Variants in INO80 observed in about 807,000 individuals in gnomAD.
INO80 encodes chromatin-remodeling ATPase INO80.
INO80 carries 20 observed loss-of-function variants against 203.4 expected under a neutral mutation model. The observed-to-expected ratio is 0.10, with a 90% CI of 0.07 to 0.14. The LOEUF is 0.14. Among genes scored for constraint, INO80 ranks in the 10% least tolerant of loss-of-function variants. INO80 has a pLI of 1.00. For synonymous variants in INO80, 726 were observed against 685.2 expected (o/e 1.06, Z -0.93); for missense variants, 1,419 against 1,914.4 (o/e 0.74, Z 4.83).
chr15:41,058,576 TG>T, intron 16 of INO80, 62 bp downstream of exon 16: 2 of 963,988 alleles, frequency 2.1e-6, no homozygotes, highest in Non-Finnish European at 3.0e-6. Flanking sequence ...TGTGCGTGTG[TG>T]TGTGTGTGTG....
At chr15:41,049,584 C>A (rs1242031174) in intron 20 of INO80, among the ~76,000 whole-genome samples, 164 bp from the exon 21 acceptor site, 1 of 152,136 alleles carries the variant, frequency 6.6e-6, no homozygotes, top group East Asian at 1.9e-4. Context: ...GACTGTTTTT[C>A]TTGAAAAAGG....
In INO80 at chr15:41,021,130, A is replaced by G; in HGVS notation, c.3049-5T>C. On this transcript the variant is annotated splice_region_variant and splice_polypyrimidine_tract_variant and intron_variant, in intron 25 of 35. Transcript: ENST00000648947. ...ATCCAATGGCACTGCGGTAACCTGC[A>G]GTTAAAGATTCACATGAGATGGCTC... The G allele has an allele frequency of 6.2e-7, 1 of 1,605,826 alleles. No homozygotes were observed. Among genetic ancestry groups the G allele is most frequent in the Non-Finnish European group, 8.5e-7 (1 of 1,172,458 alleles).
intron 28 of INO80, among the ~76,000 whole-genome samples, chr15:41,002,468 G>A (rs2043971392): frequency 6.6e-6 from 1 of 152,214 alleles, no homozygotes; most frequent in African/African-American, 2.4e-5. Flanking sequence ...AAAATATACT[G>A]AGCCCTGGGT....
rs145416597 is a variant in INO80, at chr15:40,982,395, T to C, written c.4453+467A>G. On this transcript the variant is annotated intron_variant, in intron 35 of 35. Transcript: ENST00000648947. Reference sequence around the variant, plus strand: ...AACTCCTGGCCTCAAGTGATCTGCCTGCCTCAGTCTCCCAAAGTGTTGGGA... The same window carrying C: ...AACTCCTGGCCTCAAGTGATCTGCCCGCCTCAGTCTCCCAAAGTGTTGGGA... Among the ~76,000 whole-genome samples the C allele has an allele frequency of 5.6e-4, 85 of 152,304 alleles. 1 individual carries two copies. In the East Asian group the frequency reaches 0.016, roughly 29 times the overall value.
At chr15:40,990,426 T>A (rs1259609123) in intron 29 of INO80, among the ~76,000 whole-genome samples, 1 of 152,170 alleles carries the variant, frequency 6.6e-6, no homozygotes, top group Non-Finnish European at 1.5e-5. Flanking sequence ...AGTGGCATGA[T>A]CTTGGCTCAC....
intron 25 of INO80, among the ~76,000 whole-genome samples, chr15:41,022,474 A>G (rs1332083734): frequency 6.6e-6 from 1 of 152,190 alleles, no homozygotes; most frequent in Non-Finnish European, 1.5e-5. Flanking sequence ...GGAGGGGCCA[A>G]TAGACCTATG....
At chr15:41,098,149 C>G (rs1275523327) in intron 1 of INO80, among the ~76,000 whole-genome samples, 3 of 152,146 alleles carry the variant, frequency 2.0e-5, no homozygotes, top group African/African-American at 7.2e-5. Context: ...CACGCCCGGC[C>G]AACTAAGTGA....
At chr15:41,026,349 T>TG (rs1334019672) in intron 25 of INO80, among the ~76,000 whole-genome samples, 3 of 151,922 alleles carry the variant, frequency 2.0e-5, no homozygotes, top group Non-Finnish European at 4.4e-5. Flanking sequence ...ACTCAGGAGT[T>TG]GGAGAATAGC....
chr15:41,025,878 G>A (rs1203080611), intron 25 of INO80, among the ~76,000 whole-genome samples: 1 of 152,200 alleles, frequency 6.6e-6, no homozygotes. Flanking sequence ...ACACAACCAT[G>A]AAAGACTGAA....
chr15:41,110,992 G>A (rs567588796), intron 1 of INO80, among the ~76,000 whole-genome samples: 1 of 152,256 alleles, frequency 6.6e-6, no homozygotes, highest in South Asian at 2.1e-4. Flanking sequence ...GCCTCTTAAA[G>A]GCAAGGGCTG....
At position 40,987,141 on chromosome 15, in the gene INO80, G is replaced by T. The variant is rs1217155102; in HGVS notation, c.3782C>A (p.Pro1261His). Reference protein sequence around the residue: ...GGNFKPDTLKPKEVVSLLLDD... With the variant: ...GGNFKPDTLKHKEVVSLLLDD... ...TAGAAGAAGACTAACCACCTCTTTG[G>T]GTTTCAAGGTATCTGGTTTGAAGTT... The change falls in exon 31 of 36, where the codon CCC becomes CAC. Residue 1261 changes from proline to histidine, a missense_variant. Pro to His is a moderately conservative substitution (Grantham distance 77, BLOSUM62 -2). Around this residue, in one of 9 missense-constraint regions of INO80, gnomAD observed 65 missense variants for 186.7 expected, o/e 0.35. Transcript: ENST00000648947. 6.8e-6 allele frequency: 11 copies of T among 1,613,720 alleles called. No homozygotes were observed. The highest frequency in any genetic ancestry group is 8.5e-6 in the Non-Finnish European group (10 of 1,179,716).
At chr15:41,057,722 G>C (rs1434345685) in intron 16 of INO80, among the ~76,000 whole-genome samples, 1 of 149,740 alleles carries the variant, frequency 6.7e-6, no homozygotes, top group Non-Finnish European at 1.5e-5. Flanking sequence ...GCTTGAATCT[G>C]GGAGGTGGAG....
intron 27 of INO80, among the ~76,000 whole-genome samples, chr15:41,008,664 C>T (rs376040387): frequency 3.9e-5 from 6 of 152,092 alleles, no homozygotes; most frequent in East Asian, 3.8e-4. Flanking sequence ...ATTCTGATAG[C>T]CTATATCAGC....
chr15:41,000,573 T>C (rs906065335), intron 28 of INO80, among the ~76,000 whole-genome samples: 1 of 151,348 alleles, frequency 6.6e-6, no homozygotes, highest in Non-Finnish European at 1.5e-5. Context: ...TACGAGCCTG[T>C]AGTCTCAGCT....
intron 29 of INO80, among the ~76,000 whole-genome samples, chr15:40,995,471 A>G (rs1277147190): frequency 1.3e-5 from 2 of 152,242 alleles, no homozygotes; most frequent in African/African-American, 4.8e-5. Context: ...ATTAAGCTAT[A>G]AAGGTAGATA....
In INO80 at chr15:41,116,103, T is replaced by C; in HGVS notation, c.-174A>G. 1 of 397,208 alleles carries C rather than the reference T, an allele frequency of 2.5e-6. No individual in the cohort carries two copies. The highest frequency in any genetic ancestry group is 4.4e-6 in the Non-Finnish European group (1 of 225,116). 24.6% of individuals were successfully genotyped at this position (397,208 alleles called of 1,614,324 possible). A position where few individuals can be genotyped will look rare whatever the true frequency, so the allele number is the denominator to read the frequency against. On this transcript the variant is annotated 5_prime_UTR_variant, in exon 1 of 36. Coordinates refer to ENST00000648947, the MANE Select transcript of INO80 (RefSeq NM_017553.3). ...CTCTCTGAGGCCGTGGGACGGTGAC[T>C]GCGTTGGGCGTGGACGCTCCTAGCT...
In INO80 at chr15:41,040,899, A is replaced by G. The variant is rs113991960; in HGVS notation, c.2907+4005T>C. On this transcript the variant is annotated intron_variant, in intron 24 of 35. Transcript: ENST00000648947. The stretch of plus-strand genomic sequence containing the variant: ...AAGAAAAATACAGTCAGCCCAATAG[A>G]AAAATAAACAAGAATTCTGAACAAA... 2.5e-3 allele frequency among the ~76,000 whole-genome samples: 388 copies of G among 152,334 alleles called. 1 individual carries two copies. The highest frequency in any genetic ancestry group is 8.7e-3 in the African/African-American group (363 of 41,570).
intron 6 of INO80, among the ~76,000 whole-genome samples, chr15:41,087,076 C>G (rs1326845199): frequency 6.6e-6 from 1 of 151,928 alleles, no homozygotes; most frequent in Non-Finnish European, 1.5e-5. Flanking sequence ...TATAGTCTAC[C>G]CTTCCTATCT....
intron 1 of INO80, among the ~76,000 whole-genome samples, chr15:41,111,225 C>A (rs2045953957): frequency 6.6e-6 from 1 of 152,208 alleles, no homozygotes. Flanking sequence ...GCAGGCAAAT[C>A]ACCTGAGGTC....
Sources: allele counts gnomAD v4.1 joint callset (sites outside exome capture counted in the v4.1 genomes callset), GRCh38; gene constraint gnomAD v4.1.1; regional missense constraint gnomAD v4.1.1; transcripts MANE v1.5; gene names NCBI Gene and HGNC (gene_info 2026-07-23, HGNC 2026-07-21).